Variants in KMT2C observed in about 807,000 individuals in gnomAD.
KMT2C encodes the protein lysine methyltransferase 2C.
Under a neutral mutation model 507.9 loss-of-function variants are expected in KMT2C, and 88 were observed. The observed-to-expected ratio is 0.17, with a 90% confidence interval of 0.15 to 0.21. KMT2C has a LOEUF of 0.21. Ranked by LOEUF, KMT2C falls within the 10% of genes least tolerant of loss-of-function variation. The probability of loss-of-function intolerance (pLI) is 1.00; values close to 1 mark genes in which losing one functional copy is unlikely to be tolerated. For synonymous variants in KMT2C, 2,049 were observed against 2,080.8 expected, an observed-to-expected ratio of 0.98 and a Z score of 0.42; for missense variants, 4,954 against 5,957.8, an observed-to-expected ratio of 0.83 and a Z score of 5.55.
intron 31 of KMT2C, among the ~76,000 whole-genome samples, chr7:152,189,264 A>C (rs918913032): frequency 1.4e-4 from 22 of 152,202 alleles, no homozygotes; most frequent in African/African-American, 3.9e-4. Context: ...TTCCAGAAAA[A>C]AGAAAGAACA....
rs1277652306 is a variant in KMT2C, at chr7:152,296,556, A to G, written c.849+13410T>C. Among the ~76,000 whole-genome samples, 10 of 151,972 alleles carry G rather than the reference A, an allele frequency of 6.6e-5. No homozygotes were observed. The East Asian group carries it at 1.9e-3, about 29-fold the overall frequency. On this transcript the variant is annotated intron_variant, in intron 6 of 58. Coordinates refer to ENST00000262189, the MANE Select transcript of KMT2C (RefSeq NM_170606.3). Reference sequence around the variant, plus strand: ...GTTCCTTTTTCCTTTCTGCCTCTGAATGCTATCCTGAGAGTACAATGCTTA... The same window carrying G: ...GTTCCTTTTTCCTTTCTGCCTCTGAGTGCTATCCTGAGAGTACAATGCTTA...
intron 20 of KMT2C, among the ~76,000 whole-genome samples, chr7:152,223,129 T>C (rs985152499): frequency 5.3e-5 from 8 of 152,178 alleles, no homozygotes; most frequent in Non-Finnish European, 8.8e-5. Flanking sequence ...TGTCTTGCAA[T>C]GGAACAAATA....
At chr7:152,387,029 TGTTACTTTAAA>T (rs2097435142) in intron 1 of KMT2C, among the ~76,000 whole-genome samples, 1 of 152,002 alleles carries the variant, frequency 6.6e-6, no homozygotes, top group Non-Finnish European at 1.5e-5. Flanking sequence ...CACAGAATAG[TGTTACTTTAAA>T]GTAAAAAGAT....
intron 31 of KMT2C, among the ~76,000 whole-genome samples, chr7:152,191,787 A>G (rs1260225611): frequency 1.3e-5 from 2 of 152,244 alleles, no homozygotes; most frequent in East Asian, 1.9e-4. Flanking sequence ...GGAAAACATT[A>G]AAGTTGCCAT....
Position 152,220,640 on chromosome 7 carries a change from G to A in KMT2C, c.3595C>T (p.Arg1199Trp), listed in dbSNP as rs752813752. 6 of 1,611,570 alleles carry A rather than the reference G, an allele frequency of 3.7e-6. No individual in the cohort carries two copies. Among genetic ancestry groups the A allele is most frequent in the East Asian group, 2.2e-5 (1 of 44,872 alleles). ...TTCAATTTCAATTTTGGTTTTGACC[G>A]TTTTCTTCTTGGAACTGTAACTGTG... is the stretch of plus-strand genomic sequence containing the variant. The part of the protein sequence containing the change: ...SLTVTVPRRK[R>W]SKPKLKLKII... The change falls in exon 23 of 59, where the codon CGG becomes TGG. Residue 1199 changes from arginine (R) to tryptophan (W), a missense_variant. By Grantham distance (101) the Arg-to-Trp change is moderately radical (BLOSUM62 -3). Transcript: ENST00000262189.
At chr7:152,151,638 C>T in intron 49 of KMT2C, 57 bp from the exon 50 acceptor site, 1 of 1,505,218 alleles carries the variant, frequency 6.6e-7, no homozygotes, top group East Asian at 2.3e-5. Flanking sequence ...CAAGGTGGCA[C>T]ATGGTGAAAA....
rs577099359 is a variant in KMT2C at position 152,158,963 on chromosome 7, G to A, written c.11570C>T (p.Thr3857Met). 38 of 1,614,010 alleles carry A rather than the reference G, an allele frequency of 2.4e-5. No individual in the cohort carries two copies. Among genetic ancestry groups the A allele is most frequent in the African/African-American group, 1.3e-4 (10 of 74,980 alleles). Reference sequence around the variant, plus strand: ...TGAGCGAGGTGCTGCTTTCTCACCCGTCCTCTGAGTCCGTTTGCTTCGCTG... The same window carrying A: ...TGAGCGAGGTGCTGCTTTCTCACCCATCCTCTGAGTCCGTTTGCTTCGCTG... ...KKQRSKRTQR[T>M]GEKAAPRSKK... is the part of the protein sequence containing the mutation. The change falls in exon 44 of 59, where the codon ACG becomes ATG. Residue 3857 changes from threonine to methionine, a missense_variant. Thr to Met is a moderately conservative substitution (Grantham distance 81, BLOSUM62 -1). Transcript: ENST00000262189.
chr7:152,391,142 C>CCAAAA (rs1491228301), intron 1 of KMT2C, among the ~76,000 whole-genome samples: 1 of 34,766 alleles, frequency 2.9e-5, no homozygotes, highest in Non-Finnish European at 4.9e-5. Context: ...AGACTGTCTC[C>CCAAAA]AAAAAAAAAA....
At chr7:152,342,329 AATT>A (rs72202521) in intron 2 of KMT2C, among the ~76,000 whole-genome samples, 5,825 of 152,274 alleles carry the variant, frequency 0.038, 379 homozygotes, top group African/African-American at 0.13. Context: ...TTTTAATAAG[AATT>A]ATTATTTATG....
Position 152,194,232 on chromosome 7 carries a change from G to C in KMT2C, c.4537C>G (p.Pro1513Ala), listed in dbSNP as rs2129129057. The change falls in exon 30 of 59, where the codon CCA (proline) becomes GCA (alanine). Residue 1513 changes from proline (P) to alanine (A), a missense_variant. By Grantham distance (27) the Pro-to-Ala change is conservative. Coordinates refer to ENST00000262189, the MANE Select transcript of KMT2C (RefSeq NM_170606.3). Reference sequence around the variant, plus strand: ...TAGAAAATCAAAACACATTTACCTGGAATTTTATATAATTTTCCAAGAATT... The same window carrying C: ...TAGAAAATCAAAACACATTTACCTGCAATTTTATATAATTTTCCAAGAATT... The part of the protein sequence containing the change: ...GAILGKLYKI[P>A]ELGGKDVEDL... 6 of 1,527,264 alleles carry C rather than the reference G, an allele frequency of 3.9e-6. No individual in the cohort carries two copies. The highest frequency in any genetic ancestry group is 5.3e-6 in the Non-Finnish European group (6 of 1,126,782). The allele number at this position is 1,527,264 out of a possible 1,614,324, so 94.6% of individuals were successfully genotyped here.
At chr7:152,168,237 A>G (rs903162129) in intron 41 of KMT2C, among the ~76,000 whole-genome samples, 8 of 152,344 alleles carry the variant, frequency 5.3e-5, no homozygotes, top group African/African-American at 1.9e-4. Flanking sequence ...TACATTTCTA[A>G]GAAGGACATT....
At chr7:152,424,612 C>T (rs1433840497) in intron 1 of KMT2C, among the ~76,000 whole-genome samples, 1 of 152,072 alleles carries the variant, frequency 6.6e-6, no homozygotes, top group Non-Finnish European at 1.5e-5. Flanking sequence ...TTTGTAGAGA[C>T]AGTGTCTTGC....
chr7:152,380,458 C>T (rs2097363962), intron 1 of KMT2C, among the ~76,000 whole-genome samples: 1 of 152,082 alleles, frequency 6.6e-6, no homozygotes, highest in Non-Finnish European at 1.5e-5. Flanking sequence ...GTCACAGCTA[C>T]TCGAGAGGCG....
At position 152,178,025 on chromosome 7, in the gene KMT2C, A is replaced by T. The variant is rs766061933; in HGVS notation, c.7443-15T>A. On this transcript the variant is annotated splice_polypyrimidine_tract_variant and intron_variant, in intron 37 of 58. Transcript: ENST00000262189. ...GAAATCCAAATCTTTTAAAAAAAAA[A>T]AAAAAAAAAAAAAAAAAGCAAATAG... 1.0e-3 allele frequency: 1,409 copies of T among 1,378,804 alleles called. 19 individuals are homozygous for T. In the African/African-American group the frequency reaches 0.021, roughly 21 times the overall value. 85.4% of individuals were successfully genotyped at this position (1,378,804 alleles called of 1,614,324 possible). A position where few individuals can be genotyped will look rare whatever the true frequency, so the allele number is the denominator to read the frequency against.
At chr7:152,217,712 C>T (rs1193549780) in intron 23 of KMT2C, among the ~76,000 whole-genome samples, 2 of 151,810 alleles carry the variant, frequency 1.3e-5, no homozygotes, top group Non-Finnish European at 2.9e-5. Flanking sequence ...TACCCTGATA[C>T]GAGTCAATGA....
intron 41 of KMT2C, 48 bp downstream of exon 41, chr7:152,169,138 C>T (rs2129107211): frequency 8.6e-7 from 1 of 1,167,050 alleles, no homozygotes; most frequent in Non-Finnish European, 1.3e-6. Flanking sequence ...ACATAGAGTG[C>T]AGACAAGCAA....
intron 9 of KMT2C, among the ~76,000 whole-genome samples, chr7:152,261,154 A>G (rs1200365597): frequency 6.6e-6 from 1 of 152,298 alleles, no homozygotes; most frequent in Non-Finnish European, 1.5e-5. Context: ...ATGTGAAAAG[A>G]TAACCATTCA....
At chr7:152,146,477 C>A in intron 53 of KMT2C, 122 bp downstream of exon 53, 2 of 891,040 alleles carry the variant, frequency 2.2e-6, no homozygotes, top group Non-Finnish European at 1.7e-6. Flanking sequence ...CTAAGAGAAA[C>A]GGGTTAATGC....
intron 6 of KMT2C, among the ~76,000 whole-genome samples, chr7:152,283,788 C>A (rs1161103992): frequency 2.6e-5 from 4 of 152,016 alleles, no homozygotes; most frequent in Admixed American, 1.3e-4. Context: ...ATGCTACTTA[C>A]CAGGTAAAAA....
Sources: gnomAD v4.1 joint callset for allele counts (sites outside exome capture counted in the v4.1 genomes callset) on GRCh38, gnomAD v4.1.1 for gene constraint, MANE v1.5 for transcripts, NCBI Gene and HGNC (gene_info 2026-07-23, HGNC 2026-07-21) for gene names.